Variants in MEF2D observed in about 807,000 individuals in gnomAD.
The protein encoded by MEF2D is myocyte enhancer factor 2D.
In MEF2D, 10 loss-of-function variants were observed where a neutral mutation model predicts 59.3. The ratio of observed to expected loss-of-function variants is 0.17; its 90% CI spans 0.10 to 0.29. MEF2D has a LOEUF of 0.29. MEF2D is among the 10% of genes least tolerant of loss of function. The pLI is 1.00. For missense variants in MEF2D, 508 were observed against 699.4 expected (o/e 0.73, Z 3.09); for synonymous variants, 305 against 295.0 (o/e 1.03, Z -0.35).
intron 4 of MEF2D, chr1:156,480,578 C>T (rs1197190034): frequency 4.2e-5 from 63 of 1,484,254 alleles, no homozygotes; most frequent in Non-Finnish European, 5.2e-5. Flanking sequence ...TCAGGGCAGC[C>T]GAGAGCCAGG....
intron 1 of MEF2D, among the ~76,000 whole-genome samples, chr1:156,484,826 C>T (rs1054580160): frequency 2.0e-5 from 3 of 152,154 alleles, no homozygotes; most frequent in East Asian, 1.9e-4. Flanking sequence ...GCATTCTCTC[C>T]GGTATGGGCA....
At position 156,467,394 on chromosome 1, in the gene MEF2D, A is replaced by C; in HGVS notation, c.*251T>G. ...CCGCGAAAAAGAGAGCCCCCCAGCC[A>C]GTGAAAATGGTGGGGGGTACAGAAA... On this transcript the variant is annotated 3_prime_UTR_variant, in exon 12 of 12. Coordinates refer to ENST00000348159, the MANE Select transcript of MEF2D (RefSeq NM_005920.4). 1 of 181,022 alleles carries C rather than the reference A, an allele frequency of 5.5e-6. No homozygotes were observed. The highest frequency in any genetic ancestry group is 1.1e-5 in the Non-Finnish European group (1 of 88,194). The allele number at this position is 181,022 out of a possible 1,614,324, so 11.2% of individuals were successfully genotyped here.
chr1:156,499,307 AT>A (rs1673332348), intron 1 of MEF2D: 1 of 152,434 alleles, frequency 6.6e-6, no homozygotes, highest in African/African-American at 2.4e-5. Flanking sequence ...GAAAACTCAA[AT>A]GGGGGTTGGG....
intron 1 of MEF2D, among the ~76,000 whole-genome samples, chr1:156,484,848 G>A (rs184054729): frequency 3.3e-5 from 5 of 152,342 alleles, no homozygotes; most frequent in African/African-American, 1.2e-4. Context: ...TGCCTACATA[G>A]GCTGGGTGAG....
Position 156,480,855 on chromosome 1 carries a change from G to A in MEF2D, c.375C>T (p.Asp125=), listed in dbSNP as rs749967505. 7.4e-5 allele frequency: 119 copies of A among 1,598,346 alleles called. 2 individuals carry two copies. The South Asian group carries it at 1.1e-3, about 15-fold the overall frequency. ...DKYRRASEEL[D]GLFRRYGSTV... The stretch of plus-strand genomic sequence containing the variant: ...TCACCCCATAGCGCCGGAAGAGCCC[G>A]TCGAGCTCCTCGCTGGCGCGTCGGT... The change falls in exon 4 of 12, where the codon GAC becomes GAT. Residue 125 remains aspartate (D), a synonymous_variant. Transcript: ENST00000348159.
intron 8 of MEF2D, among the ~76,000 whole-genome samples, chr1:156,476,097 A>T (rs1671556203): frequency 6.6e-6 from 1 of 152,168 alleles, no homozygotes; most frequent in Non-Finnish European, 1.5e-5. Flanking sequence ...CCAAGAATGC[A>T]GTGTGGGCCT....
At chr1:156,491,033 G>A (rs944854569) in intron 1 of MEF2D, among the ~76,000 whole-genome samples, 22 of 152,028 alleles carry the variant, frequency 1.4e-4, no homozygotes, top group Non-Finnish European at 2.6e-4. Context: ...TAACCACCCC[G>A]CACCCCCACA....
In MEF2D at chr1:156,479,685, T is replaced by C; in HGVS notation, c.508A>G (p.Thr170Ala). ...SGSLVTPSLVTSSLTDPRLLS... is the reference protein window; with the variant it reads ...SGSLVTPSLVASSLTDPRLLS... ...AGCCGCGGGTCCGTGAGGGATGATG[T>C]CACCAGGGAAGGGGTGACCAGGGAG... The change falls in exon 5 of 12, where the codon ACA becomes GCA. Residue 170 changes from threonine (T) to alanine (A), a missense_variant. Transcript: ENST00000348159. 6.4e-7 allele frequency: 1 copy of C among 1,551,660 alleles called. No homozygotes were observed. Among genetic ancestry groups the C allele is most frequent in the Non-Finnish European group, 8.7e-7 (1 of 1,147,014 alleles).
intron 1 of MEF2D, among the ~76,000 whole-genome samples, chr1:156,489,827 T>G (rs1571262961): frequency 1.3e-5 from 2 of 151,896 alleles, no homozygotes; most frequent in African/African-American, 4.8e-5. Flanking sequence ...GCAGCAGAGG[T>G]GAGGACCGAG....
At chr1:156,489,651 C>T (rs2102218229) in intron 1 of MEF2D, among the ~76,000 whole-genome samples, 1 of 152,194 alleles carries the variant, frequency 6.6e-6, no homozygotes, top group Admixed American at 6.5e-5. Flanking sequence ...AGGACACCAT[C>T]CCTGCCCTCT....
At position 156,468,635 on chromosome 1, in the gene MEF2D, A is replaced by C; in HGVS notation, c.1247+145T>G. On this transcript the variant is annotated intron_variant, in intron 10 of 11. Transcript: ENST00000348159. This position sits in a 1 kb window ranked among gnomAD's most constrained non-coding sequence, Gnocchi z 4.3. ...CTGTACAAGAGAGCCCAGGGGTGCC[A>C]CTGTTGCCTAACAGACTGTGCAGTG... 1.5e-6 allele frequency: 2 copies of C among 1,359,558 alleles called. No individual in the cohort carries two copies. The highest frequency in any genetic ancestry group is 2.0e-6 in the Non-Finnish European group (2 of 1,005,450). 84.2% of individuals were successfully genotyped at this position (1,359,558 alleles called of 1,614,324 possible). A position where few individuals can be genotyped will look rare whatever the true frequency, so the allele number is the denominator to read the frequency against.
chr1:156,475,895 G>C (rs1671540127), intron 8 of MEF2D, among the ~76,000 whole-genome samples: 1 of 152,224 alleles, frequency 6.6e-6, no homozygotes, highest in African/African-American at 2.4e-5. Flanking sequence ...GGAGGAAAAT[G>C]AGCAGCTGTG....
chr1:156,476,552 C>T, intron 7 of MEF2D, 38 bp from the exon 8 acceptor site: 1 of 1,603,046 alleles, frequency 6.2e-7, no homozygotes, highest in East Asian at 2.2e-5. Flanking sequence ...TGTTCAGTCT[C>T]TGGCCGCTGC....
chr1:156,472,932 G>C (rs1213700557), intron 9 of MEF2D, among the ~76,000 whole-genome samples: 1 of 152,016 alleles, frequency 6.6e-6, no homozygotes, highest in South Asian at 2.1e-4. Context: ...GGATGGTCTC[G>C]ATCTCCTGAC....
At chr1:156,471,005 C>T (rs1311455172) in intron 9 of MEF2D, among the ~76,000 whole-genome samples, 3 of 152,056 alleles carry the variant, frequency 2.0e-5, no homozygotes, top group Non-Finnish European at 4.4e-5. Context: ...TTTTGAAATG[C>T]TTATTAAAAA....
chr1:156,499,031 TCTC>T (rs1673314900), intron 1 of MEF2D, among the ~76,000 whole-genome samples: 1 of 152,044 alleles, frequency 6.6e-6, no homozygotes, highest in Non-Finnish European at 1.5e-5. Context: ...TTTTCAATGC[TCTC>T]CTCAGCTACT....
In MEF2D at chr1:156,473,349, G is replaced by A. The variant is rs1422123272; in HGVS notation, c.1006+1759C>T. Among the ~76,000 whole-genome samples, 15 of 152,242 alleles carry A rather than the reference G, an allele frequency of 9.9e-5. No homozygotes were observed. In the East Asian group the frequency reaches 2.9e-3, roughly 29 times the overall value. On this transcript the variant is annotated intron_variant, in intron 9 of 11. Transcript: ENST00000348159. ...GATTTTTACATGTGGGGAGGAGGTG[G>A]GATTTTGTGGTTATTTGCACTGGTG... is the stretch of plus-strand genomic sequence containing the variant.
chr1:156,474,981 G>T, intron 9 of MEF2D, 127 bp downstream of exon 9: 1 of 1,349,998 alleles, frequency 7.4e-7, no homozygotes. Flanking sequence ...ATAAGTAGGT[G>T]GGGGTTCCCC....
At chr1:156,493,194 A>G (rs1297082645) in intron 1 of MEF2D, among the ~76,000 whole-genome samples, 2 of 152,148 alleles carry the variant, frequency 1.3e-5, no homozygotes, top group Non-Finnish European at 2.9e-5. Context: ...GAAAGAGTCC[A>G]AGGCCTGGGC....
Sources: allele counts gnomAD v4.1 joint callset (sites outside exome capture counted in the v4.1 genomes callset), GRCh38; gene constraint gnomAD v4.1.1; non-coding constraint Gnocchi (gnomAD v3.1); transcripts MANE v1.5; gene names NCBI Gene and HGNC (gene_info 2026-07-23, HGNC 2026-07-21).